The following KCNH1 variants were observed in gnomAD, a reference collection of about 807,000 sequenced individuals.
KCNH1 encodes voltage-gated delayed rectifier potassium channel KCNH1.
Under a neutral mutation model 69.2 loss-of-function variants are expected in KCNH1, and 27 were observed. The observed-to-expected ratio is 0.39, with a 90% CI of 0.29 to 0.54. KCNH1 has a LOEUF of 0.54. Ranked by LOEUF, KCNH1 falls within the 20% of genes least tolerant of loss-of-function variation. KCNH1 has a pLI of 0.68. For missense variants in KCNH1, 798 were observed against 1,261.6 expected, an observed-to-expected ratio of 0.63 and a Z score of 5.57; for synonymous variants, 456 against 487.7, an observed-to-expected ratio of 0.93 and a Z score of 0.86.
intron 9 of KCNH1, among the ~76,000 whole-genome samples, chr1:210,777,000 C>T (rs766295342): frequency 8.6e-5 from 13 of 151,956 alleles, no homozygotes; most frequent in South Asian, 2.1e-4. Context: ...AGGGAGCCAA[C>T]GAGGAGTATG....
At chr1:210,718,573 T>G (rs184796805) in intron 10 of KCNH1, among the ~76,000 whole-genome samples, 1,955 of 115,436 alleles carry the variant, frequency 0.017, 82 homozygotes, top group Admixed American at 0.042. Context: ...ATACATATAT[T>G]TATATATATA....
intron 10 of KCNH1, among the ~76,000 whole-genome samples, chr1:210,740,924 T>C (rs1683013067): frequency 6.6e-6 from 1 of 152,132 alleles, no homozygotes; most frequent in Non-Finnish European, 1.5e-5. Flanking sequence ...GGCTAAAATA[T>C]GGCAAAGGTG....
intron 5 of KCNH1, among the ~76,000 whole-genome samples, chr1:211,033,688 C>T (rs565119335): frequency 3.9e-4 from 60 of 152,110 alleles, no homozygotes; most frequent in African/African-American, 1.4e-3. Context: ...ACCGCATATT[C>T]TCACTCATAG....
At chr1:210,860,641 A>G in intron 7 of KCNH1, 1 of 788,628 alleles carries the variant, frequency 1.3e-6, no homozygotes, top group East Asian at 2.4e-5. Context: ...TATAATATGA[A>G]GAAGAGCCTG....
At chr1:211,104,626 G>C (rs2102484194) in intron 2 of KCNH1, among the ~76,000 whole-genome samples, 1 of 152,130 alleles carries the variant, frequency 6.6e-6, no homozygotes, top group South Asian at 2.1e-4. Flanking sequence ...CCAGAGGAGG[G>C]GGAAAAAAAC....
intron 7 of KCNH1, among the ~76,000 whole-genome samples, chr1:210,911,204 C>T (rs1410920916): frequency 6.6e-6 from 1 of 152,018 alleles, no homozygotes; most frequent in Non-Finnish European, 1.5e-5. Flanking sequence ...ACCTTAGGTG[C>T]CTGGCCCACG....
chr1:211,083,320 G>C (rs17017167), intron 4 of KCNH1, among the ~76,000 whole-genome samples: 1 of 152,176 alleles, frequency 6.6e-6, no homozygotes, highest in Non-Finnish European at 1.5e-5. Flanking sequence ...CAGGCTATCT[G>C]ATCTTGCAGA....
intron 6 of KCNH1, among the ~76,000 whole-genome samples, chr1:210,989,018 T>C (rs1688894898): frequency 6.6e-6 from 1 of 152,234 alleles, no homozygotes. Context: ...ATAACATTTT[T>C]TTTCTTTTTG....
intron 1 of KCNH1, among the ~76,000 whole-genome samples, chr1:211,122,935 C>CTT (rs143066987): frequency 1.3e-5 from 2 of 148,646 alleles, no homozygotes; most frequent in Admixed American, 6.7e-5. Flanking sequence ...CATATGTATC[C>CTT]TTTTTTTTTT....
At chr1:210,844,755 C>CA (rs1685500007) in intron 7 of KCNH1, among the ~76,000 whole-genome samples, 2 of 152,016 alleles carry the variant, frequency 1.3e-5, no homozygotes, top group Admixed American at 1.3e-4. Flanking sequence ...AATAGAGACA[C>CA]AAAAAACCCT....
chr1:210,906,931 G>C (rs1288349523), intron 7 of KCNH1, among the ~76,000 whole-genome samples: 1 of 152,116 alleles, frequency 6.6e-6, no homozygotes, highest in East Asian at 1.9e-4. Flanking sequence ...TAAATACCAA[G>C]ATCCTTTAAA....
intron 7 of KCNH1, chr1:210,862,244 TG>T: frequency 9.0e-7 from 1 of 1,107,148 alleles, no homozygotes; most frequent in Non-Finnish European, 1.4e-6. Context: ...GCTGGGTCCA[TG>T]GTGCCCCGCA....
Position 210,961,434 on chromosome 1 carries a change from G to GT in KCNH1, c.1033-41366dup, listed in dbSNP as rs199729923. ...ATCCAGTATAAAACCCATTCGACAT[G>GT]TTTTTTCCTTTGTAATAGTTTCATC... On this transcript the variant is annotated intron_variant, in intron 6 of 10. Coordinates refer to ENST00000271751, the MANE Select transcript of KCNH1 (RefSeq NM_172362.3). Among the ~76,000 whole-genome samples, 1,233 of 152,108 alleles carry GT rather than the reference G, an allele frequency of 8.1e-3. 11 individuals are homozygous for GT. Among genetic ancestry groups the GT allele is most frequent in the Middle Eastern group, 0.034 (10 of 292 alleles).
chr1:210,897,346 T>A (rs763464502), intron 7 of KCNH1, among the ~76,000 whole-genome samples: 67 of 152,196 alleles, frequency 4.4e-4, no homozygotes, highest in Admixed American at 9.8e-4. Context: ...TAATGGAGTG[T>A]CTGGCTTAAA....
At chr1:211,101,373 G>C (rs1171843275) in intron 3 of KCNH1, among the ~76,000 whole-genome samples, 1 of 152,318 alleles carries the variant, frequency 6.6e-6, no homozygotes, top group African/African-American at 2.4e-5. Context: ...TAACAAATAA[G>C]TTCAAGTTTC....
At chr1:211,001,727 C>T (rs898566058) in intron 6 of KCNH1, among the ~76,000 whole-genome samples, 13 of 152,180 alleles carry the variant, frequency 8.5e-5, no homozygotes, top group East Asian at 3.9e-4. Context: ...ATGTTTATTG[C>T]GGCGCTATTC....
At chr1:210,868,767 TC>T (rs1215142540) in intron 7 of KCNH1, among the ~76,000 whole-genome samples, 2 of 152,082 alleles carry the variant, frequency 1.3e-5, no homozygotes, top group Non-Finnish European at 2.9e-5. Context: ...TAATCTGTTT[TC>T]CCTTTCTATA....
chr1:210,841,684 G>C (rs960381841), intron 7 of KCNH1, among the ~76,000 whole-genome samples: 8 of 152,112 alleles, frequency 5.3e-5, no homozygotes, highest in African/African-American at 1.7e-4. Context: ...TATACCCCAA[G>C]TCTTCTATAA....
At position 210,919,498 on chromosome 1, in the gene KCNH1, G is replaced by A; in HGVS notation, c.1462+142C>T. On this transcript the variant is annotated intron_variant, in intron 7 of 10. Transcript: ENST00000271751. This position sits in a 1 kb window ranked among gnomAD's most constrained non-coding sequence, Gnocchi z 4.2. ...TAAGCATATACTGCTTTAATTATCAGGGTAACTGTAAGCCTAGTCTTAAAA... is the reference window on the plus strand; with the variant it reads ...TAAGCATATACTGCTTTAATTATCAAGGTAACTGTAAGCCTAGTCTTAAAA... 1.2e-6 allele frequency: 1 copy of A among 809,858 alleles called. No homozygotes were observed. Among genetic ancestry groups the A allele is most frequent in the Non-Finnish European group, 2.0e-6 (1 of 502,224 alleles). 50.2% of individuals were successfully genotyped at this position (809,858 alleles called of 1,614,324 possible).
Sources: gnomAD v4.1 joint callset for allele counts (sites outside exome capture counted in the v4.1 genomes callset) on GRCh38, gnomAD v4.1.1 for gene constraint, Gnocchi (gnomAD v3.1) non-coding constraint, MANE v1.5 for transcripts, NCBI Gene and HGNC (gene_info 2026-07-23, HGNC 2026-07-21) for gene names.